DDR2: variants seen among roughly 807,000 people sequenced by gnomAD.
DDR2 encodes discoidin domain receptor tyrosine kinase 2.
In DDR2, 27 loss-of-function variants were observed where a neutral mutation model predicts 94.9. That is an observed-to-expected ratio of 0.28 (90% CI 0.21 to 0.39). DDR2 has a LOEUF of 0.39. Ranked by LOEUF, DDR2 falls within the 10% of genes least tolerant of loss-of-function variation. The probability of loss-of-function intolerance (pLI) is 1.00; values close to 1 mark genes in which losing one functional copy is unlikely to be tolerated. For missense variants in DDR2, 783 were observed against 1,076.0 expected, an observed-to-expected ratio of 0.73 and a Z score of 3.81; for synonymous variants, 382 against 377.2, an observed-to-expected ratio of 1.01 and a Z score of -0.15.
chr1:162,705,048 G>A (rs1660599833), intron 2 of DDR2: 1 of 152,262 alleles, frequency 6.6e-6, no homozygotes, highest in South Asian at 2.1e-4. Context: ...GTTCTGCTTT[G>A]CAGATGCCTC....
chr1:162,740,911 A>G (rs887423067), intron 3 of DDR2, among the ~76,000 whole-genome samples: 3 of 152,104 alleles, frequency 2.0e-5, no homozygotes, highest in Admixed American at 1.3e-4. Flanking sequence ...ACTAAGCTAC[A>G]TGCCTCTGTG....
At chr1:162,742,675 A>C (rs1156626011) in intron 3 of DDR2, among the ~76,000 whole-genome samples, 3 of 152,174 alleles carry the variant, frequency 2.0e-5, no homozygotes, top group Non-Finnish European at 4.4e-5. Context: ...GGTGGGCACA[A>C]ATATCCAAAC....
At chr1:162,706,347 A>G (rs1046224971) in intron 2 of DDR2, among the ~76,000 whole-genome samples, 3 of 152,224 alleles carry the variant, frequency 2.0e-5, no homozygotes, top group Non-Finnish European at 4.4e-5. Context: ...ACATGCATAA[A>G]GATACTACCA....
intron 8 of DDR2, among the ~76,000 whole-genome samples, chr1:162,760,510 A>ATATATATACATATACAAC (rs1663669887): frequency 1.3e-4 from 8 of 59,454 alleles, no homozygotes; most frequent in South Asian, 5.8e-4. Context: ...ATATACAACT[A>ATATATATACATATACAAC]TATATATGTA....
At chr1:162,693,601 G>C (rs1223073273) in intron 2 of DDR2, among the ~76,000 whole-genome samples, 2 of 152,134 alleles carry the variant, frequency 1.3e-5, no homozygotes, top group African/African-American at 4.8e-5. Flanking sequence ...ACAAGTCAGG[G>C]GATAAGAAAT....
At chr1:162,705,915 C>T (rs1571222224) in intron 2 of DDR2, among the ~76,000 whole-genome samples, 1 of 152,154 alleles carries the variant, frequency 6.6e-6, no homozygotes, top group East Asian at 1.9e-4. Context: ...TCTCATAAGC[C>T]CTGAGACATG....
In DDR2 at chr1:162,647,751, A is replaced by G. The variant is rs148045564; in HGVS notation, c.-191-7460A>G. Among the ~76,000 whole-genome samples, 8 of 152,318 alleles carry G rather than the reference A, an allele frequency of 5.3e-5. No homozygotes were observed. In the East Asian group the frequency reaches 1.4e-3, roughly 26 times the overall value. Reference sequence around the variant, plus strand: ...GGTGGGAATGTCTTTTAGCATGTTAATGCATTATAATTAGCGTCTAATGAG... The same window carrying G: ...GGTGGGAATGTCTTTTAGCATGTTAGTGCATTATAATTAGCGTCTAATGAG... On this transcript the variant is annotated intron_variant, in intron 1 of 17. Coordinates refer to ENST00000367921, the MANE Select transcript of DDR2 (RefSeq NM_006182.4).
chr1:162,656,729 G>A (rs1400120711), intron 2 of DDR2, among the ~76,000 whole-genome samples: 1 of 150,454 alleles, frequency 6.6e-6, no homozygotes, highest in Non-Finnish European at 1.5e-5. Flanking sequence ...TTATTACAGG[G>A]TTTCTCTATT....
At chr1:162,697,406 T>C (rs1379045258) in intron 2 of DDR2, among the ~76,000 whole-genome samples, 1 of 152,206 alleles carries the variant, frequency 6.6e-6, no homozygotes, top group Non-Finnish European at 1.5e-5. Context: ...AAAACTGAAG[T>C]GTCCCAACAA....
At chr1:162,776,638 C>T (rs2102200917) in intron 16 of DDR2, among the ~76,000 whole-genome samples, 1 of 152,154 alleles carries the variant, frequency 6.6e-6, no homozygotes, top group South Asian at 2.1e-4. Flanking sequence ...TCATTTCTAC[C>T]TAGTGATTGT....
At chr1:162,753,619 G>A (rs1046685280) in intron 4 of DDR2, among the ~76,000 whole-genome samples, 1 of 152,130 alleles carries the variant, frequency 6.6e-6, no homozygotes, top group African/African-American at 2.4e-5. Flanking sequence ...TCACTGCAAA[G>A]CATCACTCAC....
intron 2 of DDR2, among the ~76,000 whole-genome samples, chr1:162,699,670 T>C (rs1002102591): frequency 3.9e-5 from 6 of 152,366 alleles, no homozygotes; most frequent in African/African-American, 1.4e-4. Flanking sequence ...AAGCAAAATA[T>C]AGAATATCTT....
intron 1 of DDR2, among the ~76,000 whole-genome samples, chr1:162,648,236 G>A (rs920370619): frequency 6.6e-6 from 1 of 152,138 alleles, no homozygotes; most frequent in Non-Finnish European, 1.5e-5. Flanking sequence ...GGTTTGTATA[G>A]CCAGGGGACT....
At chr1:162,769,364 C>G (rs865835107) in intron 11 of DDR2, among the ~76,000 whole-genome samples, 90 of 152,304 alleles carry the variant, frequency 5.9e-4, no homozygotes, top group African/African-American at 2.0e-3. Flanking sequence ...AAGAACATTA[C>G]TTAACATAGC....
At chr1:162,765,739 A>C (rs530431968) in intron 9 of DDR2, among the ~76,000 whole-genome samples, 2 of 150,048 alleles carry the variant, frequency 1.3e-5, no homozygotes, top group South Asian at 2.2e-4. Flanking sequence ...CAGCCCTTTG[A>C]ATCACTGTTT....
At chr1:162,681,306 A>T (rs1424071590) in intron 2 of DDR2, among the ~76,000 whole-genome samples, 1 of 152,078 alleles carries the variant, frequency 6.6e-6, no homozygotes, top group African/African-American at 2.4e-5. Flanking sequence ...ACAATTGTAG[A>T]TTGATTGAGA....
At chr1:162,643,856 T>C (rs971101863) in intron 1 of DDR2, among the ~76,000 whole-genome samples, 2 of 152,138 alleles carry the variant, frequency 1.3e-5, no homozygotes, top group African/African-American at 2.4e-5. Flanking sequence ...TAAGCCCTCA[T>C]TGGGGTTGGG....
chr1:162,755,608 C>T, intron 6 of DDR2, 56 bp from the exon 7 acceptor site: 1 of 1,494,030 alleles, frequency 6.7e-7, no homozygotes, highest in East Asian at 2.3e-5. Context: ...TCACATAGTT[C>T]CCTGAGGTAA....
At chr1:162,691,632 C>T (rs561594862) in intron 2 of DDR2, among the ~76,000 whole-genome samples, 23 of 152,242 alleles carry the variant, frequency 1.5e-4, no homozygotes, top group African/African-American at 5.1e-4. Flanking sequence ...TGTGGGGAGG[C>T]GGTACCCTGA....
Sources: gnomAD v4.1 joint callset for allele counts (sites outside exome capture counted in the v4.1 genomes callset) on GRCh38, gnomAD v4.1.1 for gene constraint, MANE v1.5 for transcripts, NCBI Gene and HGNC (gene_info 2026-07-23, HGNC 2026-07-21) for gene names.